Variants in SEC16B observed in about 807,000 individuals in gnomAD.
SEC16B encodes SEC16 homolog B, endoplasmic reticulum export factor.
Under a neutral mutation model 141.8 loss-of-function variants are expected in SEC16B, and 115 were observed. The ratio of observed to expected loss-of-function variants is 0.81; its 90% CI spans 0.70 to 0.95. The LOEUF (loss-of-function observed/expected upper bound fraction) is 0.95. Among genes scored for constraint, SEC16B ranks in the 40% least tolerant of loss-of-function variants. The probability of loss-of-function intolerance (pLI) is 0.00; values close to 1 mark genes in which losing one functional copy is unlikely to be tolerated. For missense variants in SEC16B, 1,291 were observed against 1,312.3 expected, an observed-to-expected ratio of 0.98 and a Z score of 0.25; for synonymous variants, 493 against 492.5, an observed-to-expected ratio of 1.00 and a Z score of -0.01.
intron 14 of SEC16B, chr1:177,945,495 T>C (rs931594517): frequency 9.2e-5 from 14 of 152,222 alleles, no homozygotes; most frequent in Non-Finnish European, 1.6e-4. Flanking sequence ...ACCAGGAACC[T>C]GGAAGGAACA....
At chr1:177,964,098 G>T in intron 5 of SEC16B, 73 bp downstream of exon 5, 1 of 1,108,860 alleles carries the variant, frequency 9.0e-7, no homozygotes, top group Non-Finnish European at 1.3e-6. Context: ...CAAGGGCCCT[G>T]TTCTGCCACT....
intron 19 of SEC16B, 97 bp downstream of exon 19, chr1:177,937,117 C>T: frequency 7.3e-7 from 1 of 1,365,758 alleles, no homozygotes; most frequent in Non-Finnish European, 9.8e-7. Flanking sequence ...CCAGCTCCAA[C>T]CCTACCTCCT....
In SEC16B at chr1:177,960,445, A is replaced by C. The variant is rs748815980; in HGVS notation, c.937-42T>G. On this transcript the variant is annotated intron_variant, in intron 7 of 25. Transcript: ENST00000308284. Reference sequence around the variant, plus strand: ...AGATTTTGTGTTTAAGACTGTGGCCACCCTAGGCCCCTTTCAGTCAAGTCT... The same window carrying C: ...AGATTTTGTGTTTAAGACTGTGGCCCCCCTAGGCCCCTTTCAGTCAAGTCT... The C allele has an allele frequency of 4.4e-6, 6 of 1,363,804 alleles. No individual in the cohort carries two copies. In the Admixed American group the frequency reaches 1.2e-4, roughly 26 times the overall value. The allele number at this position is 1,363,804 out of a possible 1,614,324, so 84.5% of individuals were successfully genotyped here.
intron 14 of SEC16B, chr1:177,946,093 T>A: frequency 1.8e-6 from 1 of 562,382 alleles, no homozygotes; most frequent in Middle Eastern, 4.6e-4. Flanking sequence ...CCTCCACATG[T>A]AAAATGTTGT....
At chr1:177,959,005 G>A in intron 8 of SEC16B, 30 bp from the exon 9 acceptor site, 1 of 1,602,558 alleles carries the variant, frequency 6.2e-7, no homozygotes, top group Non-Finnish European at 8.5e-7. Context: ...GGAGCAAAGA[G>A]TGAGCAGGCA....
At chr1:177,957,982 T>A (rs1652750520) in intron 10 of SEC16B, 150 bp downstream of exon 10, 3 of 439,250 alleles carry the variant, frequency 6.8e-6, no homozygotes, top group Admixed American at 4.4e-5. Flanking sequence ...GAACTATGGG[T>A]GTTTTCATTT....
intron 7 of SEC16B, 179 bp from the exon 8 acceptor site, chr1:177,960,582 A>C (rs1652978698): frequency 7.2e-6 from 5 of 696,170 alleles, no homozygotes; most frequent in Non-Finnish European, 9.8e-6. Context: ...CATCTCAGGA[A>C]AAACACAACT....
intron 12 of SEC16B, chr1:177,948,779 CT>C: frequency 1.1e-6 from 1 of 942,056 alleles, no homozygotes; most frequent in East Asian, 6.3e-5. Context: ...GTCTCTGAAC[CT>C]TTGTTTTCTC....
intron 12 of SEC16B, chr1:177,948,731 A>G (rs1651932962): frequency 1.7e-6 from 2 of 1,199,208 alleles, no homozygotes; most frequent in Non-Finnish European, 2.1e-6. Context: ...CGAGTCCTGC[A>G]TCTTACTAGC....
intron 3 of SEC16B, 102 bp downstream of exon 3, chr1:177,965,791 C>A: frequency 1.5e-6 from 1 of 650,464 alleles, no homozygotes; most frequent in Admixed American, 2.8e-5. Context: ...AAAGGATGCC[C>A]AAGGTGAGGG....
chr1:177,929,763 G>C lies in SEC16B; in HGVS notation c.*95C>G. 7.2e-7 allele frequency: 1 copy of C among 1,389,432 alleles called. No homozygotes were observed. Among genetic ancestry groups the C allele is most frequent in the East Asian group, 2.4e-5 (1 of 41,258 alleles). The allele number at this position is 1,389,432 out of a possible 1,614,324, so 86.1% of individuals were successfully genotyped here. On this transcript the variant is annotated 3_prime_UTR_variant, in exon 26 of 26. Transcript: ENST00000308284. The stretch of plus-strand genomic sequence containing the variant: ...CATCGGGCTAGCACAAACCTCTTGA[G>C]GGTCCCAATATGGTAGAGAGGGGCT...
chr1:177,962,714 C>T (rs1418057607), intron 5 of SEC16B, among the ~76,000 whole-genome samples: 1 of 151,972 alleles, frequency 6.6e-6, no homozygotes, highest in African/African-American at 2.4e-5. Flanking sequence ...CTGTTACACT[C>T]CAGCCTGGGT....
intron 2 of SEC16B, 72 bp downstream of exon 2, chr1:177,967,611 G>A (rs1653638415): frequency 1.4e-6 from 2 of 1,396,610 alleles, no homozygotes; most frequent in Non-Finnish European, 1.9e-6. Flanking sequence ...AAAGGAAAAG[G>A]AAGAAGGAAA....
chr1:177,932,738 G>A lies in SEC16B; in HGVS notation c.2892C>T (p.Ser964=), dbSNP rs551572241. The stretch of plus-strand genomic sequence containing the variant: ...AGGCACTAACATCCGGCAGAGGTGG[G>A]GACTCAGGGGAAGGTGTCAGTGAGA... ...LGLSLTPSPE[S]PPLPDVSAFS... The change falls in exon 23 of 26, where the codon TCC becomes TCT. Residue 964 remains serine, a synonymous_variant. Transcript: ENST00000308284. 2.5e-6 allele frequency: 4 copies of A among 1,609,658 alleles called. No individual in the cohort carries two copies. The African/African-American group carries it at 5.3e-5, about 21-fold the overall frequency.
At position 177,977,334 on chromosome 1, in the gene SEC16B, G is replaced by A. The variant is rs542543594; in HGVS notation, c.-59+6872C>T. On this transcript the variant is annotated intron_variant and NMD_transcript_variant, in intron 1 of 24. Coordinates refer to the SEC16B transcript ENST00000528461. The stretch of plus-strand genomic sequence containing the variant: ...AGTCTCCATCCCTGCAGGCGAAGCA[G>A]TGTCTAAGCCAGACAGACTCAAGCC... Among the ~76,000 whole-genome samples the A allele has an allele frequency of 5.9e-5, 9 of 152,316 alleles. No homozygotes were observed. In the South Asian group the frequency reaches 1.9e-3, roughly 32 times the overall value.
At chr1:177,946,363 GC>G (rs1651706230) in intron 14 of SEC16B, 56 bp downstream of exon 14, 1 of 1,267,762 alleles carries the variant, frequency 7.9e-7, no homozygotes, top group East Asian at 2.5e-5. Flanking sequence ...CCCAACAAGG[GC>G]TAAAACAGTC....
intron 1 of SEC16B, among the ~76,000 whole-genome samples, chr1:177,975,987 C>A (rs1228039746): frequency 6.6e-6 from 1 of 152,038 alleles, no homozygotes; most frequent in Non-Finnish European, 1.5e-5. Context: ...GTGCCAGAGA[C>A]AATTAGCCTG....
intron 10 of SEC16B, among the ~76,000 whole-genome samples, chr1:177,956,896 C>T (rs1381509583): frequency 6.6e-6 from 1 of 152,070 alleles, no homozygotes; most frequent in African/African-American, 2.4e-5. Context: ...ACATTCTGAG[C>T]ACATTTGAGG....
chr1:177,973,977 G>C (rs1557996664), upstream of SEC16B, among the ~76,000 whole-genome samples: 1 of 151,902 alleles, frequency 6.6e-6, no homozygotes, highest in Non-Finnish European at 1.5e-5. Context: ...TGGAGAGACT[G>C]GAGGAGAAGG....
Sources: allele counts gnomAD v4.1 joint callset (sites outside exome capture counted in the v4.1 genomes callset), GRCh38; gene constraint gnomAD v4.1.1; transcripts MANE v1.5; gene names NCBI Gene and HGNC (gene_info 2026-07-23, HGNC 2026-07-21).